PLEKHG7: variants seen among roughly 807,000 people sequenced by gnomAD.
PLEKHG7 encodes the protein pleckstrin homology and RhoGEF domain containing G7.
PLEKHG7 carries 77 observed loss-of-function variants against 85.2 expected under a neutral mutation model. The observed-to-expected ratio is 0.90, with a 90% CI of 0.75 to 1.09. The LOEUF (loss-of-function observed/expected upper bound fraction) is 1.09. Ranked by LOEUF, PLEKHG7 falls within the 50% of genes least tolerant of loss-of-function variation. PLEKHG7 has a pLI of 0.00. For synonymous variants in PLEKHG7, 301 were observed against 302.4 expected, an observed-to-expected ratio of 1.00 and a Z score of 0.05; for missense variants, 777 against 804.3, an observed-to-expected ratio of 0.97 and a Z score of 0.41.
chr12:92,706,978 T>C lies in PLEKHG7; in HGVS notation c.347T>C (p.Leu116Pro), dbSNP rs200912589. 118 of 1,614,038 alleles carry C rather than the reference T, an allele frequency of 7.3e-5. No homozygotes were observed. The highest frequency in any genetic ancestry group is 8.7e-5 in the Non-Finnish European group (103 of 1,180,026). The change falls in exon 2 of 17, where the codon CTG becomes CCG. Residue 116 changes from leucine to proline, a missense_variant. Physicochemically the swap from Leu to Pro is moderately conservative, Grantham distance 98. This residue lies in a region of PLEKHG7 where 252 missense variants were observed against 241.9 expected (regional missense o/e 1.04). Coordinates refer to ENST00000344636, the MANE Select transcript of PLEKHG7 (RefSeq NM_001377329.1). ...SRLTSEPERA[L>P]NAADSLEPQT... Reference sequence around the variant, plus strand: ...TTGACCTCTGAACCTGAAAGGGCCCTGAATGCAGCTGACTCACTGGAGCCC... The same window carrying C: ...TTGACCTCTGAACCTGAAAGGGCCCCGAATGCAGCTGACTCACTGGAGCCC...
At chr12:92,764,582 C>T (rs940729724) in intron 15 of PLEKHG7, among the ~76,000 whole-genome samples, 1 of 151,840 alleles carries the variant, frequency 6.6e-6, no homozygotes, top group African/African-American at 2.4e-5. Flanking sequence ...ACTGAGAAAC[C>T]ATAACCAGAC....
intron 13 of PLEKHG7, among the ~76,000 whole-genome samples, chr12:92,761,416 C>G (rs559331111): frequency 1.4e-4 from 21 of 152,140 alleles, no homozygotes; most frequent in African/African-American, 5.1e-4. Flanking sequence ...CTCATCAAGT[C>G]TCTGCTTTAG....
At chr12:92,763,183 G>A (rs1431914894) in intron 14 of PLEKHG7, among the ~76,000 whole-genome samples, 1 of 152,160 alleles carries the variant, frequency 6.6e-6, no homozygotes, top group Non-Finnish European at 1.5e-5. Context: ...AATGGTATCA[G>A]TTTACATGCC....
intron 10 of PLEKHG7, among the ~76,000 whole-genome samples, chr12:92,747,876 G>T (rs1194949341): frequency 6.6e-6 from 1 of 152,140 alleles, no homozygotes; most frequent in Middle Eastern, 3.2e-3. Flanking sequence ...TAGGATGATG[G>T]TTACCAGAGG....
At position 92,720,164 on chromosome 12, in the gene PLEKHG7, GT is replaced by G. The variant is rs1871596968; in HGVS notation, c.531-8826del. Among the ~76,000 whole-genome samples the G allele has an allele frequency of 3.3e-5, 5 of 152,236 alleles. No homozygotes were observed. In the South Asian group the frequency reaches 1.0e-3, roughly 32 times the overall value. On this transcript the variant is annotated intron_variant, in intron 3 of 16. Transcript: ENST00000344636. Reference sequence around the variant, plus strand: ...TGGAAATCAGAAGTCTGAAATCACAGTTTGGGCAGAGCCACACTTCCCCTGA... The same window carrying G: ...TGGAAATCAGAAGTCTGAAATCACAGTTGGGCAGAGCCACACTTCCCCTGA...
chr12:92,739,093 C>T (rs1379025900), intron 7 of PLEKHG7, among the ~76,000 whole-genome samples: 1 of 152,242 alleles, frequency 6.6e-6, no homozygotes, highest in Admixed American at 6.5e-5. Flanking sequence ...TCTCACCCTG[C>T]CTTCCATGGC....
chr12:92,715,716 CAAAAA>C (rs11331072), intron 3 of PLEKHG7, among the ~76,000 whole-genome samples: 1 of 87,460 alleles, frequency 1.1e-5, no homozygotes, highest in Non-Finnish European at 2.1e-5. Flanking sequence ...GTTCTTGCCT[CAAAAA>C]AAAAAAAAAA....
chr12:92,706,242 C>A (rs1359085468), intron 1 of PLEKHG7, among the ~76,000 whole-genome samples: 6 of 152,082 alleles, frequency 3.9e-5, no homozygotes, highest in Non-Finnish European at 8.8e-5. Flanking sequence ...TTTGTTTGAA[C>A]CTAGAAGGAA....
chr12:92,739,753 T>G (rs1042154484), intron 7 of PLEKHG7, among the ~76,000 whole-genome samples: 1 of 152,206 alleles, frequency 6.6e-6, no homozygotes, highest in Non-Finnish European at 1.5e-5. Flanking sequence ...AAGCAAAGAA[T>G]CTTATAGCAA....
chr12:92,755,496 T>TC (rs1348841234), intron 11 of PLEKHG7, among the ~76,000 whole-genome samples: 11 of 151,958 alleles, frequency 7.2e-5, no homozygotes, highest in African/African-American at 2.7e-4. Flanking sequence ...ATTTTTTTTT[T>TC]CCTCCTCTAA....
At chr12:92,741,298 C>T (rs1046718642) in intron 8 of PLEKHG7, among the ~76,000 whole-genome samples, 193 bp from the exon 9 acceptor site, 1 of 151,886 alleles carries the variant, frequency 6.6e-6, no homozygotes, top group Non-Finnish European at 1.5e-5. Context: ...AGAGAGATAA[C>T]AAGAATTTAT....
At chr12:92,710,260 C>G (rs1172039625) in intron 3 of PLEKHG7, among the ~76,000 whole-genome samples, 2 of 152,186 alleles carry the variant, frequency 1.3e-5, no homozygotes, top group African/African-American at 2.4e-5. Context: ...AACTTTGTCC[C>G]AGCCCTGCAA....
In PLEKHG7 at chr12:92,770,419, C is replaced by A; in HGVS notation, c.*224C>A. 4.5e-6 allele frequency: 2 copies of A among 447,732 alleles called. No homozygotes were observed. The highest frequency in any genetic ancestry group is 3.2e-5 in the South Asian group (1 of 31,530). 27.7% of individuals were successfully genotyped at this position (447,732 alleles called of 1,614,324 possible). On this transcript the variant is annotated 3_prime_UTR_variant, in exon 17 of 17. Transcript: ENST00000344636. ...TTTCTTGACAAATATATACTGACAT[C>A]CAGATTACCTTCTAATGCTTCCGTC...
Position 92,707,112 on chromosome 12 carries a change from C to G in PLEKHG7, c.481C>G (p.Pro161Ala). 1 of 1,613,836 alleles carries G rather than the reference C, an allele frequency of 6.2e-7. No individual in the cohort carries two copies. Residue 161 changes from proline (P) to alanine (A), a missense_variant, in exon 2 of 17, where the codon CCC becomes GCC. Pro to Ala is a conservative substitution (Grantham distance 27, BLOSUM62 -1). This residue lies in a region of PLEKHG7 where 252 missense variants were observed against 241.9 expected (regional missense o/e 1.04). Transcript: ENST00000344636. ...GCAAGAAGGCCACTTCCTGCCCAGC[C>G]CCACCCTACGACACCCTAGTCCTCA... The part of the protein sequence containing the change: ...RQQEGHFLPS[P>A]TLRHPSPQGE...
chr12:92,732,436 C>T (rs1054473263), intron 5 of PLEKHG7, among the ~76,000 whole-genome samples, 163 bp downstream of exon 5: 2 of 152,280 alleles, frequency 1.3e-5, no homozygotes, highest in South Asian at 4.1e-4. Flanking sequence ...GGCTACGGAA[C>T]ATGCCAAGTG....
intron 7 of PLEKHG7, among the ~76,000 whole-genome samples, chr12:92,738,104 G>C (rs1201681799): frequency 6.6e-6 from 1 of 152,068 alleles, no homozygotes; most frequent in Non-Finnish European, 1.5e-5. Context: ...TCAGCTGCAG[G>C]GCCACCATTG....
intron 10 of PLEKHG7, among the ~76,000 whole-genome samples, chr12:92,745,848 T>C (rs1022344729): frequency 2.6e-5 from 4 of 152,246 alleles, no homozygotes; most frequent in Non-Finnish European, 5.9e-5. Flanking sequence ...AAATGTTTTC[T>C]TGGTTCATTA....
chr12:92,769,085 G>A lies in PLEKHG7; in HGVS notation c.1968+5G>A, dbSNP rs574289881. ...GCCCAAACGGAAAACATCAAAGTAT[G>A]TATTTTAATTTTGTAGGTCTTTGAT... On this transcript the variant is annotated splice_donor_5th_base_variant and intron_variant, in intron 16 of 16. Transcript: ENST00000344636. The A allele has an allele frequency of 1.9e-6, 3 of 1,550,500 alleles. No individual in the cohort carries two copies. The South Asian group carries it at 3.4e-5, about 18-fold the overall frequency.
chr12:92,714,972 C>T (rs2136575290), intron 3 of PLEKHG7, among the ~76,000 whole-genome samples: 1 of 151,826 alleles, frequency 6.6e-6, no homozygotes, highest in South Asian at 2.1e-4. Context: ...ACTCCTTGTA[C>T]CAAAATCTGT....
Sources: allele counts gnomAD v4.1 joint callset (sites outside exome capture counted in the v4.1 genomes callset), GRCh38; gene constraint gnomAD v4.1.1; regional missense constraint gnomAD v4.1.1; transcripts MANE v1.5; gene names NCBI Gene and HGNC (gene_info 2026-07-23, HGNC 2026-07-21).